The following DACH2 variants were observed in gnomAD, a reference collection of about 807,000 sequenced individuals.
DACH2 encodes dachshund homolog 2.
Under a neutral mutation model 35.8 loss-of-function variants are expected in DACH2, and 17 were observed. The observed-to-expected ratio is 0.48, with a 90% CI of 0.33 to 0.71. DACH2 has a LOEUF of 0.71. DACH2 is among the 30% of genes least tolerant of loss of function. The pLI, the probability that DACH2 is intolerant of heterozygous loss-of-function variation, is 0.02. For missense variants in DACH2, 469 were observed against 472.7 expected, an observed-to-expected ratio of 0.99 and a Z score of 0.07; for synonymous variants, 195 against 177.3, an observed-to-expected ratio of 1.10 and a Z score of -0.79.
At chrX:86,726,505 A>T (rs1449923128) in intron 6 of DACH2, among the ~76,000 whole-genome samples, 2 of 111,168 alleles carry the variant, frequency 1.8e-5, no homozygotes, top group East Asian at 5.7e-4. Context: ...GGTGTGTGGG[A>T]GCATTCAGTT....
chrX:86,504,754 G>T (rs771620906), intron 2 of DACH2, among the ~76,000 whole-genome samples: 3 of 110,850 alleles, frequency 2.7e-5, no homozygotes, highest in African/African-American at 6.5e-5. Context: ...GAACAACAAA[G>T]AAAATTATGA....
intron 2 of DACH2, among the ~76,000 whole-genome samples, chrX:86,400,751 G>T (rs910157155): frequency 5.4e-5 from 6 of 111,425 alleles, no homozygotes; most frequent in Admixed American, 3.8e-4. Context: ...TTTTGTCTCA[G>T]AGGAGTACCT....
At chrX:86,742,378 C>T (rs903823550) in intron 7 of DACH2, among the ~76,000 whole-genome samples, 1 of 110,130 alleles carries the variant, frequency 9.1e-6, no homozygotes, top group African/African-American at 3.3e-5. Context: ...ATTAATTTTG[C>T]TATGTTGGCA....
At chrX:86,656,737 C>CT (rs756341007) in intron 4 of DACH2, among the ~76,000 whole-genome samples, 1 of 106,968 alleles carries the variant, frequency 9.3e-6, no homozygotes, top group East Asian at 2.9e-4. Context: ...TTGGTATCAT[C>CT]TTTTTTCTCT....
At chrX:86,665,034 A>G (rs1446991825) in intron 4 of DACH2, among the ~76,000 whole-genome samples, 2 of 111,539 alleles carry the variant, frequency 1.8e-5, no homozygotes, top group African/African-American at 6.5e-5. Context: ...TGAAGTTGTT[A>G]CAGTAGGTAT....
intron 3 of DACH2, among the ~76,000 whole-genome samples, chrX:86,622,227 C>G (rs1602709540): frequency 8.9e-6 from 1 of 111,799 alleles, no homozygotes; most frequent in Admixed American, 9.5e-5. Context: ...CTAAACAATG[C>G]CAAGTGAATT....
chrX:86,315,830 C>CAGAGAG (rs1295660848), intron 1 of DACH2, among the ~76,000 whole-genome samples: 3 of 90,887 alleles, frequency 3.3e-5, no homozygotes, highest in African/African-American at 1.6e-4. Context: ...CACACACACA[C>CAGAGAG]ACACACACAC....
At chrX:86,777,930 G>A (rs942839804) in intron 7 of DACH2, among the ~76,000 whole-genome samples, 5 of 110,808 alleles carry the variant, frequency 4.5e-5, no homozygotes, top group Non-Finnish European at 7.5e-5. Flanking sequence ...TTTAAAGGGG[G>A]AATTAAAATA....
chrX:86,442,391 G>GTTTGT (rs2037181714), intron 2 of DACH2, among the ~76,000 whole-genome samples: 1 of 70,537 alleles, frequency 1.4e-5, no homozygotes, highest in African/African-American at 5.2e-5. Context: ...GTGTGTGTAT[G>GTTTGT]TTTTTTTTTT....
At chrX:86,789,957 G>T (rs1394139463) in intron 7 of DACH2, among the ~76,000 whole-genome samples, 1 of 111,522 alleles carries the variant, frequency 9.0e-6, no homozygotes, top group East Asian at 2.8e-4. Context: ...ATGAATAATT[G>T]ATTTTCTCGG....
intron 3 of DACH2, among the ~76,000 whole-genome samples, chrX:86,520,799 T>C (rs1426953825): frequency 8.9e-6 from 1 of 111,813 alleles, no homozygotes; most frequent in Non-Finnish European, 1.9e-5. Context: ...ATGTCATTAA[T>C]TGTGAGATGG....
intron 3 of DACH2, among the ~76,000 whole-genome samples, chrX:86,637,471 A>G (rs2040288539): frequency 9.0e-6 from 1 of 110,908 alleles, no homozygotes; most frequent in Non-Finnish European, 1.9e-5. Context: ...CACAGAATCA[A>G]CCTAAATTCC....
In DACH2 at chrX:86,295,143, G is replaced by A. The variant is rs763556081; in HGVS notation, c.489-81681G>A. Among the ~76,000 whole-genome samples the A allele has an allele frequency of 2.3e-3, 262 of 112,750 alleles. 2 individuals are homozygous for A. The highest frequency in any genetic ancestry group is 8.0e-3 in the African/African-American group (250 of 31,104). ...TGATGCCCCGTTTTTTAAGCCCATC[G>A]GAAAAGCACAGTATTCGGGTGGGAG... is the stretch of plus-strand genomic sequence containing the variant. On this transcript the variant is annotated intron_variant, in intron 1 of 11. Transcript: ENST00000373125.
At chrX:86,780,980 G>T (rs2042083894) in intron 7 of DACH2, among the ~76,000 whole-genome samples, 1 of 111,186 alleles carries the variant, frequency 9.0e-6, no homozygotes, top group African/African-American at 3.3e-5. Context: ...CTGGGGATGG[G>T]GAGGCTGTTT....
At chrX:86,830,631 T>A (rs2042603328) in intron 11 of DACH2, 1 of 111,832 alleles carries the variant, frequency 8.9e-6, no homozygotes, top group African/African-American at 3.2e-5. Context: ...ATGGTGATTG[T>A]CTTTCGCTAT....
chrX:86,237,773 A>G (rs2033086442), intron 1 of DACH2, among the ~76,000 whole-genome samples: 1 of 111,941 alleles, frequency 8.9e-6, no homozygotes, highest in Non-Finnish European at 1.9e-5. Context: ...AGGCACTGGC[A>G]TGGACACTGG....
At chrX:86,696,444 C>CTGAT (rs1416939317) in intron 5 of DACH2, among the ~76,000 whole-genome samples, 3 of 112,037 alleles carry the variant, frequency 2.7e-5, no homozygotes, top group African/African-American at 9.7e-5. Flanking sequence ...TAAAAAAGGA[C>CTGAT]TGATTAAAGT....
chrX:86,535,700 C>G (rs868001895), intron 3 of DACH2, among the ~76,000 whole-genome samples: 4 of 110,058 alleles, frequency 3.6e-5, no homozygotes, highest in Middle Eastern at 4.7e-3. Context: ...AGACACGGAT[C>G]TGACAGAGAG....
At chrX:86,721,684 G>A (rs1039337927) in intron 6 of DACH2, among the ~76,000 whole-genome samples, 15 of 111,187 alleles carry the variant, frequency 1.3e-4, no homozygotes, top group African/African-American at 2.3e-4. Context: ...CAGCAGTGCC[G>A]CACTATCTCC....
Sources: allele counts gnomAD v4.1 joint callset (sites outside exome capture counted in the v4.1 genomes callset), GRCh38; gene constraint gnomAD v4.1.1; transcripts MANE v1.5; gene names NCBI Gene and HGNC (gene_info 2026-07-23, HGNC 2026-07-21).